Variants in GRAMD1C observed in about 807,000 individuals in gnomAD.
The protein encoded by GRAMD1C is GRAM domain containing 1C.
A neutral mutation model predicts 97.8 loss-of-function variants in GRAMD1C; 89 were observed. The observed-to-expected ratio is 0.91, with a 90% CI of 0.77 to 1.09. The LOEUF (loss-of-function observed/expected upper bound fraction) is 1.09, where lower values mean the gene tolerates loss of function less well. Among genes scored for constraint, GRAMD1C ranks in the 50% least tolerant of loss-of-function variants. The pLI, the probability that GRAMD1C is intolerant of heterozygous loss-of-function variation, is 0.00. For synonymous variants in GRAMD1C, 256 were observed against 267.0 expected (o/e 0.96, Z 0.40); for missense variants, 740 against 766.4 (o/e 0.97, Z 0.41).
chr3:113,862,177 A>T (rs1934401705), intron 2 of GRAMD1C, among the ~76,000 whole-genome samples: 1 of 152,198 alleles, frequency 6.6e-6, no homozygotes, highest in Non-Finnish European at 1.5e-5. Flanking sequence ...ATCAGGAGAC[A>T]GGGTTCAAGA....
chr3:113,832,644 C>G (rs1162170833), intron 1 of GRAMD1C, among the ~76,000 whole-genome samples: 8 of 152,100 alleles, frequency 5.3e-5, no homozygotes, highest in Non-Finnish European at 1.2e-4. Flanking sequence ...CTTCCTTTCT[C>G]TATGAATTTG....
Position 113,849,448 on chromosome 3 carries a change from G to A in GRAMD1C, c.174+4799G>A, listed in dbSNP as rs975770780. On this transcript the variant is annotated intron_variant, in intron 2 of 17. Coordinates refer to ENST00000358160, the MANE Select transcript of GRAMD1C (RefSeq NM_017577.5). ...TAGGCAGAGGACCCTGCAGCCTTCCGCAGTGTTTGTGTCCCTGGGTACTTG... is the reference window on the plus strand; with the variant it reads ...TAGGCAGAGGACCCTGCAGCCTTCCACAGTGTTTGTGTCCCTGGGTACTTG... 7.9e-5 allele frequency among the ~76,000 whole-genome samples: 12 copies of A among 151,858 alleles called. No homozygotes were observed. The South Asian group carries it at 2.1e-3, about 26-fold the overall frequency.
rs1233066552 is a variant in GRAMD1C, at chr3:113,838,806, G to A, written c.-104G>A. Reference sequence around the variant, plus strand: ...TGGAAGTACTCGGAGGGCCGGCGGAGGAGGCGCGCGGAGCCTGTAACTCGC... The same window carrying A: ...TGGAAGTACTCGGAGGGCCGGCGGAAGAGGCGCGCGGAGCCTGTAACTCGC... On this transcript the variant is annotated 5_prime_UTR_variant, in exon 1 of 18. Coordinates refer to ENST00000358160, the MANE Select transcript of GRAMD1C (RefSeq NM_017577.5). 19 of 805,726 alleles carry A rather than the reference G, an allele frequency of 2.4e-5. No homozygotes were observed. The Admixed American group carries it at 7.1e-4, about 30-fold the overall frequency. The allele number at this position is 805,726 out of a possible 1,614,324, so 49.9% of individuals were successfully genotyped here. A position where few individuals can be genotyped will look rare whatever the true frequency, so the allele number is the denominator to read the frequency against.
intron 3 of GRAMD1C, among the ~76,000 whole-genome samples, chr3:113,874,419 G>A (rs1318310732): frequency 6.6e-6 from 1 of 151,848 alleles, no homozygotes; most frequent in Non-Finnish European, 1.5e-5. Flanking sequence ...CACGATCTTG[G>A]CTCAGTGCAA....
chr3:113,854,505 T>C (rs1934042602), intron 2 of GRAMD1C, among the ~76,000 whole-genome samples: 1 of 152,096 alleles, frequency 6.6e-6, no homozygotes, highest in Non-Finnish European at 1.5e-5. Context: ...CTGCGTTAGG[T>C]TGAGTTAGGT....
intron 2 of GRAMD1C, among the ~76,000 whole-genome samples, chr3:113,867,631 G>T (rs140698453): frequency 2.0e-5 from 3 of 152,146 alleles, no homozygotes; most frequent in South Asian, 4.1e-4. Flanking sequence ...AAGCAGGTCT[G>T]TTCTCTCCAT....
At chr3:113,933,148 G>A (rs1023426606) in intron 11 of GRAMD1C, among the ~76,000 whole-genome samples, 1 of 152,146 alleles carries the variant, frequency 6.6e-6, no homozygotes, top group East Asian at 1.9e-4. Flanking sequence ...GCTTCCCAAA[G>A]TGTTAGGATT....
chr3:113,915,468 T>C (rs1178097828), intron 9 of GRAMD1C, among the ~76,000 whole-genome samples: 1 of 152,224 alleles, frequency 6.6e-6, no homozygotes, highest in Non-Finnish European at 1.5e-5. Flanking sequence ...ATTGATTATA[T>C]GTAGTTTAGT....
intron 10 of GRAMD1C, among the ~76,000 whole-genome samples, chr3:113,918,570 C>T (rs577567452): frequency 3.3e-5 from 5 of 152,322 alleles, no homozygotes; most frequent in African/African-American, 7.2e-5. Context: ...TAAACCTAAA[C>T]AGTTATGAGT....
chr3:113,904,801 C>G (rs1359078219), intron 8 of GRAMD1C, among the ~76,000 whole-genome samples: 1 of 152,054 alleles, frequency 6.6e-6, no homozygotes, highest in Non-Finnish European at 1.5e-5. Context: ...TTTATTTTCT[C>G]AAGTATCATT....
rs192749624 is a variant in GRAMD1C, at chr3:113,906,411, C to T, written c.789+2139C>T. ...CTGATCCTGTGTAGGCCTAGGCTAA[C>T]GTGTGTGTTTGTGTCTTAATTTTTA... On this transcript the variant is annotated intron_variant, in intron 8 of 17. Coordinates refer to ENST00000358160, the MANE Select transcript of GRAMD1C (RefSeq NM_017577.5). Among the ~76,000 whole-genome samples, 640 of 151,674 alleles carry T rather than the reference C, an allele frequency of 4.2e-3. 13 individuals are homozygous for T. Among genetic ancestry groups the T allele is most frequent in the South Asian group, 0.033 (159 of 4,804 alleles).
intron 10 of GRAMD1C, among the ~76,000 whole-genome samples, chr3:113,929,990 G>A (rs1448739219): frequency 9.2e-5 from 14 of 152,102 alleles, no homozygotes; most frequent in Non-Finnish European, 1.8e-4. Context: ...AGTTTTTAAT[G>A]CTTTTATTTA....
chr3:113,847,398 G>C (rs1196321392), intron 2 of GRAMD1C, among the ~76,000 whole-genome samples: 1 of 152,214 alleles, frequency 6.6e-6, no homozygotes, highest in Non-Finnish European at 1.5e-5. Context: ...CAAAGTTCAA[G>C]ATGAAGACTA....
At position 113,933,637 on chromosome 3, in the gene GRAMD1C, C is replaced by T. The variant is rs1413392030; in HGVS notation, c.1336C>T (p.Gln446Ter). 1.8e-5 allele frequency: 29 copies of T among 1,608,286 alleles called. No individual in the cohort carries two copies. The East Asian group carries it at 6.2e-4, about 35-fold the overall frequency. Residue 446 changes from glutamine to a stop codon, truncating the protein, a stop_gained, in exon 12 of 18, where the codon CAG (glutamine) becomes TAG (stop). Coordinates refer to ENST00000358160, the MANE Select transcript of GRAMD1C (RefSeq NM_017577.5). LOFTEE classifies it high-confidence loss of function. ...ATACTGTATCATCCGATCTTCAAAA[C>T]AGAAATGCAGGCTAAGGTGAGCTGC... Reference protein sequence around the residue: ...NRYCIIRSSKQKCRLRVSTDL... With the variant: ...NRYCIIRSSK
intron 10 of GRAMD1C, among the ~76,000 whole-genome samples, chr3:113,924,545 A>AC (rs1937168117): frequency 6.6e-6 from 1 of 152,180 alleles, no homozygotes; most frequent in African/African-American, 2.4e-5. Context: ...CATCAGGAGC[A>AC]GGTTGTTTAA....
At chr3:113,914,786 C>T (rs1936741498) in intron 9 of GRAMD1C, among the ~76,000 whole-genome samples, 1 of 151,584 alleles carries the variant, frequency 6.6e-6, no homozygotes, top group Admixed American at 6.6e-5. Flanking sequence ...GGTTCAAATT[C>T]CAGGTCAGTC....
chr3:113,908,455 T>G (rs988853184), intron 8 of GRAMD1C, among the ~76,000 whole-genome samples: 12 of 152,186 alleles, frequency 7.9e-5, no homozygotes, highest in Non-Finnish European at 1.2e-4. Context: ...TGAAGTTAAT[T>G]TGTTTTAATC....
Position 113,871,012 on chromosome 3 carries a change from CACACACACACAG to C in GRAMD1C, c.259+1423_259+1434del, listed in dbSNP as rs759269598. 7.5e-3 allele frequency among the ~76,000 whole-genome samples: 875 copies of C among 116,522 alleles called. 9 individuals carry two copies. The highest frequency in any genetic ancestry group is 9.2e-3 in the African/African-American group (284 of 30,968). 76.4% of individuals were successfully genotyped at this position (116,522 alleles called of 152,430 possible). A position where few individuals can be genotyped will look rare whatever the true frequency, so the allele number is the denominator to read the frequency against. On this transcript the variant is annotated intron_variant, in intron 3 of 17. Transcript: ENST00000358160. ...ACACACACACACACACACACACACA[CACACACACACAG>C]AGGAATATTAAGTACTAAGAAAATA...
At chr3:113,859,475 T>C (rs572443715) in intron 2 of GRAMD1C, among the ~76,000 whole-genome samples, 2 of 152,314 alleles carry the variant, frequency 1.3e-5, no homozygotes, top group Admixed American at 1.3e-4. Flanking sequence ...TTCTCTCAAA[T>C]TTGTTGAGGT....
Sources: gnomAD v4.1 joint callset for allele counts (sites outside exome capture counted in the v4.1 genomes callset) on GRCh38, gnomAD v4.1.1 for gene constraint, MANE v1.5 for transcripts, NCBI Gene and HGNC (gene_info 2026-07-23, HGNC 2026-07-21) for gene names.